PCLO: variants seen among roughly 807,000 people sequenced by gnomAD.
The protein encoded by PCLO is protein piccolo.
In PCLO, 82 loss-of-function variants were observed where a neutral mutation model predicts 427.5. That is an observed-to-expected ratio of 0.19 (90% CI 0.16 to 0.23). PCLO has a LOEUF of 0.23. Among genes scored for constraint, PCLO ranks in the 10% least tolerant of loss-of-function variants. The pLI, the probability that PCLO is intolerant of heterozygous loss-of-function variation, is 1.00. For synonymous variants in PCLO, 2,357 were observed against 2,155.4 expected, an observed-to-expected ratio of 1.09 and a Z score of -2.59; for missense variants, 6,239 against 6,115.9, an observed-to-expected ratio of 1.02 and a Z score of -0.67.
intron 20 of PCLO, among the ~76,000 whole-genome samples, chr7:82,811,266 AT>A (rs1246544942): frequency 2.6e-5 from 4 of 151,536 alleles, no homozygotes; most frequent in Non-Finnish European, 5.9e-5. Context: ...GTATTTGGGA[AT>A]TTTTACCCCC....
intron 6 of PCLO, among the ~76,000 whole-genome samples, chr7:82,933,770 C>T (rs1041435775): frequency 8.6e-5 from 13 of 151,946 alleles, no homozygotes; most frequent in Admixed American, 6.6e-5. Context: ...AAGGCCAAGG[C>T]CAAAAGCTCT....
At chr7:82,938,256 A>C (rs1795001873) in intron 6 of PCLO, among the ~76,000 whole-genome samples, 1 of 151,938 alleles carries the variant, frequency 6.6e-6, no homozygotes, top group African/African-American at 2.4e-5. Context: ...TATTAACTAC[A>C]AGGGTATAAT....
chr7:82,942,662 C>A (rs1795112485), intron 6 of PCLO, among the ~76,000 whole-genome samples: 1 of 152,018 alleles, frequency 6.6e-6, no homozygotes, highest in Non-Finnish European at 1.5e-5. Context: ...TTTCCAATTA[C>A]TAATGACCAT....
chr7:82,948,775 A>G (rs1480786792), intron 6 of PCLO, among the ~76,000 whole-genome samples: 1 of 152,178 alleles, frequency 6.6e-6, no homozygotes, highest in East Asian at 1.9e-4. Flanking sequence ...TTATATTATT[A>G]AAAGAAACAT....
intron 7 of PCLO, among the ~76,000 whole-genome samples, chr7:82,909,613 A>T (rs973488730): frequency 7.2e-5 from 11 of 152,158 alleles, no homozygotes; most frequent in African/African-American, 2.7e-4. Context: ...ACCCAGTGCC[A>T]ATAAGTTGTT....
intron 4 of PCLO, among the ~76,000 whole-genome samples, chr7:82,959,484 G>C (rs979781688): frequency 1.3e-5 from 2 of 152,120 alleles, no homozygotes; most frequent in East Asian, 1.9e-4. Flanking sequence ...CATTTAAAAA[G>C]TTACGGTTTT....
At chr7:83,115,203 A>G (rs778272940) in intron 3 of PCLO, among the ~76,000 whole-genome samples, 7 of 152,082 alleles carry the variant, frequency 4.6e-5, no homozygotes, top group Non-Finnish European at 8.8e-5. Context: ...CGTGTGTTCT[A>G]ATTGGCTTCC....
rs1169852004 is a variant in PCLO at position 83,093,492 on chromosome 7, A to ATTTT, written c.3300+40754_3300+40757dup. Among the ~76,000 whole-genome samples the ATTTT allele has an allele frequency of 3.9e-3, 231 of 59,296 alleles. 5 individuals carry two copies. Among genetic ancestry groups the ATTTT allele is most frequent in the African/African-American group, 7.1e-3 (131 of 18,524 alleles). The allele number at this position is 59,296 out of a possible 152,430, so 38.9% of individuals were successfully genotyped here. A position where few individuals can be genotyped will look rare whatever the true frequency, so the allele number is the denominator to read the frequency against. ...TGTGTGTATAGATATATATATATATATTTTTTTTTTTTTTTTTTGAGATGG... is the reference window on the plus strand; with the variant it reads ...TGTGTGTATAGATATATATATATATATTTTTTTTTTTTTTTTTTTTTTGAGATGG... On this transcript the variant is annotated intron_variant, in intron 3 of 24. Coordinates refer to ENST00000333891, the MANE Select transcript of PCLO (RefSeq NM_033026.6).
At chr7:82,844,459 T>C (rs535251077) in intron 13 of PCLO, among the ~76,000 whole-genome samples, 43 of 152,314 alleles carry the variant, frequency 2.8e-4, no homozygotes, top group African/African-American at 9.9e-4. Flanking sequence ...TGACATCTGC[T>C]GTATTTTTAT....
rs1013449597 is a variant in PCLO at position 82,955,509 on chromosome 7, C to T, written c.5444G>A (p.Arg1815Gln). 2 of 1,613,758 alleles carry T rather than the reference C, an allele frequency of 1.2e-6. No homozygotes were observed. The highest frequency in any genetic ancestry group is 1.7e-6 in the Non-Finnish European group (2 of 1,179,836). ...KKSKKDKDEL[R>Q]AQRRRERPKT... Reference sequence around the variant, plus strand: ...TGGCCTTTCCCTTCTTCTCTGAGCTCGAAGTTCATCTTTGTCTTTCTTTGA... The same window carrying T: ...TGGCCTTTCCCTTCTTCTCTGAGCTTGAAGTTCATCTTTGTCTTTCTTTGA... The change falls in exon 5 of 25, where the codon CGA becomes CAA. Residue 1815 changes from arginine to glutamine, a missense_variant. This residue lies in a region of PCLO where 4,677 missense variants were observed against 4,468.4 expected (regional missense o/e 1.05). Coordinates refer to ENST00000333891, the MANE Select transcript of PCLO (RefSeq NM_033026.6).
chr7:83,073,922 T>C (rs990294773), intron 3 of PCLO, among the ~76,000 whole-genome samples: 1 of 151,592 alleles, frequency 6.6e-6, no homozygotes, highest in African/African-American at 2.4e-5. Flanking sequence ...TTAAAACAAG[T>C]CCCATTTAGA....
At position 82,824,501 on chromosome 7, in the gene PCLO, C is replaced by T. The variant is rs545051944; in HGVS notation, c.14416-85G>A. On this transcript the variant is annotated intron_variant, in intron 18 of 24. Coordinates refer to ENST00000333891, the MANE Select transcript of PCLO (RefSeq NM_033026.6). ...CTTTTTCTATGTTCTAAAATTTATT[C>T]AAGGATATAAACCAAGGAATACAGT... 3.4e-6 allele frequency: 3 copies of T among 874,188 alleles called. No individual in the cohort carries two copies. The South Asian group carries it at 5.7e-5, about 17-fold the overall frequency. The allele number at this position is 874,188 out of a possible 1,614,324, so 54.2% of individuals were successfully genotyped here. A position where few individuals can be genotyped will look rare whatever the true frequency, so the allele number is the denominator to read the frequency against.
intron 3 of PCLO, among the ~76,000 whole-genome samples, chr7:83,003,948 A>G (rs1249312532): frequency 6.6e-6 from 1 of 151,418 alleles, no homozygotes; most frequent in Admixed American, 6.6e-5. Context: ...AGTTTGGTAG[A>G]CTTCACCCAT....
chr7:82,823,503 A>T (rs1791851036), intron 19 of PCLO, among the ~76,000 whole-genome samples: 2 of 152,194 alleles, frequency 1.3e-5, no homozygotes, highest in South Asian at 4.1e-4. Flanking sequence ...CACATGTTTT[A>T]TCCCACAGAG....
chr7:82,978,208 G>A (rs1482404323), intron 3 of PCLO, among the ~76,000 whole-genome samples: 4 of 148,016 alleles, frequency 2.7e-5, no homozygotes, highest in African/African-American at 1.0e-4. Flanking sequence ...CAGGTTATGA[G>A]CCACCAATGT....
intron 6 of PCLO, 89 bp downstream of exon 6, chr7:82,949,387 T>C (rs1379148294): frequency 2.1e-6 from 2 of 948,008 alleles, no homozygotes; most frequent in Admixed American, 4.6e-5. Flanking sequence ...GTTTCTAAGG[T>C]ACCAGGAGCC....
At chr7:82,820,126 A>G (rs1281673233) in intron 20 of PCLO, among the ~76,000 whole-genome samples, 1 of 152,136 alleles carries the variant, frequency 6.6e-6, no homozygotes, top group East Asian at 1.9e-4. Context: ...CACTTCTGCA[A>G]AGCAAGAGCT....
chr7:83,080,419 G>T (rs982433783), intron 3 of PCLO, among the ~76,000 whole-genome samples: 1 of 152,010 alleles, frequency 6.6e-6, no homozygotes, highest in Non-Finnish European at 1.5e-5. Flanking sequence ...CCATTCTGTC[G>T]TGAGATGGTA....
chr7:83,113,859 G>T (rs1429740676), intron 3 of PCLO, among the ~76,000 whole-genome samples: 4 of 151,856 alleles, frequency 2.6e-5, no homozygotes, highest in Admixed American at 2.6e-4. Context: ...TAAATAAGGT[G>T]GTCAGAGTAG....
Sources: allele counts gnomAD v4.1 joint callset (sites outside exome capture counted in the v4.1 genomes callset), GRCh38; gene constraint gnomAD v4.1.1; regional missense constraint gnomAD v4.1.1; transcripts MANE v1.5; gene names NCBI Gene and HGNC (gene_info 2026-07-23, HGNC 2026-07-21).